The following TRPM8 variants were observed in gnomAD, a reference collection of about 807,000 sequenced individuals.
TRPM8 encodes transient receptor potential cation channel subfamily M member 8.
TRPM8 carries 110 observed loss-of-function variants against 133.7 expected under a neutral mutation model. That is an observed-to-expected ratio of 0.82 (90% CI 0.70 to 0.96). The LOEUF (loss-of-function observed/expected upper bound fraction) is 0.96. Ranked by LOEUF, TRPM8 falls within the 40% of genes least tolerant of loss-of-function variation. The pLI is 0.00. For missense variants in TRPM8, 1,291 were observed against 1,379.5 expected (o/e 0.94, Z 1.02); for synonymous variants, 535 against 532.3 (o/e 1.01, Z -0.07).
chr2:233,999,649 C>T (rs1226716114), intron 22 of TRPM8, among the ~76,000 whole-genome samples: 2 of 152,236 alleles, frequency 1.3e-5, no homozygotes, highest in African/African-American at 4.8e-5. Context: ...CACTGCCCGT[C>T]CTACTCCCAA....
intron 25 of TRPM8, among the ~76,000 whole-genome samples, chr2:234,015,352 T>A (rs1261902512): frequency 6.8e-6 from 1 of 146,530 alleles, no homozygotes. Context: ...TCCACTGGAT[T>A]AGAATTTTTT....
intron 21 of TRPM8, among the ~76,000 whole-genome samples, chr2:233,995,739 G>C (rs1405453616): frequency 6.6e-6 from 1 of 152,020 alleles, no homozygotes; most frequent in Admixed American, 6.5e-5. Context: ...CTTTGAGTAG[G>C]GGGTGGGGGC....
Position 233,937,426 on chromosome 2 carries a change from T to C in TRPM8, c.265T>C (p.Trp89Arg). The change falls in exon 4 of 26, where the codon TGG (tryptophan) becomes CGG (arginine). Residue 89 changes from tryptophan to arginine, a missense_variant. Coordinates refer to ENST00000324695, the MANE Select transcript of TRPM8 (RefSeq NM_024080.5). ...CACCCAGATCAACCAAAGTGAGAAA[T>C]GGAACTACAAGAAACACACCAAGGA... The part of the protein sequence containing the change: ...EGTQINQSEK[W>R]NYKKHTKEFP... The C allele has an allele frequency of 6.2e-7, 1 of 1,613,988 alleles. No individual in the cohort carries two copies. The highest frequency in any genetic ancestry group is 8.5e-7 in the Non-Finnish European group (1 of 1,179,982).
chr2:234,007,141 GA>G (rs894091031), intron 23 of TRPM8, among the ~76,000 whole-genome samples, 189 bp downstream of exon 23: 11 of 152,158 alleles, frequency 7.2e-5, no homozygotes, highest in African/African-American at 2.7e-4. Flanking sequence ...TGGAGAAGGA[GA>G]AAAAACACCC....
rs1350291449 is a variant in TRPM8, at chr2:233,970,369, C to T, written c.2298C>T (p.Pro766=). ...LLMDFHSVPH[P]PELVLYSLVF... The stretch of plus-strand genomic sequence containing the variant: ...TGGATTTCCATTCGGTGCCACACCC[C>T]CCCGAGCTGGTCCTGTACTCGCTGG... Residue 766 remains proline, a synonymous_variant, in exon 17 of 26, where the codon CCC becomes CCT. Coordinates refer to ENST00000324695, the MANE Select transcript of TRPM8 (RefSeq NM_024080.5). 3.7e-6 allele frequency: 6 copies of T among 1,614,160 alleles called. No homozygotes were observed. Among genetic ancestry groups the T allele is most frequent in the Non-Finnish European group, 4.2e-6 (5 of 1,180,040 alleles).
intron 22 of TRPM8, among the ~76,000 whole-genome samples, chr2:234,004,727 A>G (rs774536334): frequency 6.6e-6 from 1 of 152,250 alleles, no homozygotes; most frequent in Non-Finnish European, 1.5e-5. Flanking sequence ...AAAAATATAG[A>G]AAAGCACAAA....
chr2:233,943,827 T>C (rs1300731986), intron 6 of TRPM8, among the ~76,000 whole-genome samples: 1 of 152,244 alleles, frequency 6.6e-6, no homozygotes, highest in Non-Finnish European at 1.5e-5. Context: ...ACATTTAAGC[T>C]ACACCTTCTC....
chr2:233,996,830 G>C (rs1474366117), intron 22 of TRPM8, among the ~76,000 whole-genome samples: 8 of 152,136 alleles, frequency 5.3e-5, no homozygotes, highest in Non-Finnish European at 1.0e-4. Flanking sequence ...TCATGACTTT[G>C]TTTTTGCTTT....
intron 14 of TRPM8, among the ~76,000 whole-genome samples, chr2:233,965,442 C>A (rs1691543648): frequency 6.6e-6 from 1 of 152,196 alleles, no homozygotes; most frequent in Non-Finnish European, 1.5e-5. Flanking sequence ...AGTCCTCGAA[C>A]AAAGCTTGCC....
At chr2:233,920,154 T>A (rs1190694370) in intron 1 of TRPM8, among the ~76,000 whole-genome samples, 3 of 152,218 alleles carry the variant, frequency 2.0e-5, no homozygotes, top group African/African-American at 7.2e-5. Context: ...GGATGACGTA[T>A]AGTTTCCTGT....
chr2:233,973,890 A>T (rs1691797187), intron 17 of TRPM8, among the ~76,000 whole-genome samples: 1 of 152,204 alleles, frequency 6.6e-6, no homozygotes, highest in Admixed American at 6.5e-5. Flanking sequence ...GGAGCCCTGG[A>T]GCCACGGTGC....
At chr2:233,931,918 T>C (rs1489462550) in intron 3 of TRPM8, among the ~76,000 whole-genome samples, 1 of 152,206 alleles carries the variant, frequency 6.6e-6, no homozygotes, top group African/African-American at 2.4e-5. Flanking sequence ...TTAAGGCAAG[T>C]GAGGCCCAGA....
At chr2:233,973,600 A>G (rs1443361009) in intron 17 of TRPM8, among the ~76,000 whole-genome samples, 1 of 152,164 alleles carries the variant, frequency 6.6e-6, no homozygotes, top group Non-Finnish European at 1.5e-5. Context: ...CTGTTTCCAA[A>G]CAATGTCACA....
At chr2:233,937,246 A>G in intron 3 of TRPM8, 107 bp from the exon 4 acceptor site, 1 of 1,363,702 alleles carries the variant, frequency 7.3e-7, no homozygotes, top group African/African-American at 1.5e-5. Context: ...GTCTGAAAAT[A>G]AGACTTGAAG....
chr2:233,950,340 A>G (rs1401280623), intron 9 of TRPM8, among the ~76,000 whole-genome samples, 194 bp downstream of exon 9: 1 of 152,174 alleles, frequency 6.6e-6, no homozygotes, highest in African/African-American at 2.4e-5. Flanking sequence ...TGATATTTGT[A>G]CTTGAGATAT....
chr2:234,007,195 A>T (rs557273736), intron 23 of TRPM8, among the ~76,000 whole-genome samples: 14 of 152,194 alleles, frequency 9.2e-5, no homozygotes, highest in Non-Finnish European at 1.6e-4. Flanking sequence ...GGAGAGAGAG[A>T]GGTATTTGGA....
At chr2:233,942,842 C>T (rs373187741) in intron 6 of TRPM8, 94 bp downstream of exon 6, 2 of 1,462,916 alleles carry the variant, frequency 1.4e-6, no homozygotes, top group Non-Finnish European at 1.9e-6. Context: ...TGTGATGGAG[C>T]CAGCCAGATC....
At chr2:233,947,468 C>G (rs2125120215) in intron 8 of TRPM8, 3 of 1,358,956 alleles carry the variant, frequency 2.2e-6, no homozygotes, top group Non-Finnish European at 1.9e-6. Context: ...TATTAGAAAG[C>G]TATGGCCAAC....
chr2:233,966,294 G>A (rs548037433), intron 14 of TRPM8, among the ~76,000 whole-genome samples: 2 of 152,270 alleles, frequency 1.3e-5, no homozygotes, highest in South Asian at 4.2e-4. Context: ...CCTTCTCAGT[G>A]GCTGAGGCTC....
Sources: gnomAD v4.1 joint callset for allele counts (sites outside exome capture counted in the v4.1 genomes callset) on GRCh38, gnomAD v4.1.1 for gene constraint, MANE v1.5 for transcripts, NCBI Gene and HGNC (gene_info 2026-07-23, HGNC 2026-07-21) for gene names.